Variants in ZNF236 observed in about 807,000 individuals in gnomAD.
The protein encoded by ZNF236 is zinc finger protein 236.
In ZNF236, 50 loss-of-function variants were observed where a neutral mutation model predicts 191.2. The observed-to-expected ratio is 0.26, with a 90% confidence interval of 0.21 to 0.33. The LOEUF (loss-of-function observed/expected upper bound fraction) is 0.33, where lower values mean the gene tolerates loss of function less well. ZNF236 is among the 10% of genes least tolerant of loss of function. ZNF236 has a pLI of 1.00. For missense variants in ZNF236, 1,754 were observed against 2,374.5 expected, an observed-to-expected ratio of 0.74 and a Z score of 5.43; for synonymous variants, 907 against 928.8, an observed-to-expected ratio of 0.98 and a Z score of 0.43.
intron 9 of ZNF236, chr18:76,888,828 C>T (rs1289747507): frequency 2.6e-5 from 4 of 152,314 alleles, no homozygotes; most frequent in Admixed American, 6.5e-5. Flanking sequence ...CCCTGTCTGT[C>T]TCCCCTACCC....
At chr18:76,907,542 T>C (rs1248160943) in intron 13 of ZNF236, among the ~76,000 whole-genome samples, 5 of 152,196 alleles carry the variant, frequency 3.3e-5, no homozygotes, top group Non-Finnish European at 7.3e-5. Context: ...TTGGCCAGGC[T>C]GGCCTTGAAC....
chr18:76,834,121 A>G (rs1198313033), intron 1 of ZNF236, among the ~76,000 whole-genome samples: 1 of 152,174 alleles, frequency 6.6e-6, no homozygotes, highest in Non-Finnish European at 1.5e-5. Flanking sequence ...TTTAAAATTT[A>G]TTAACAGAAC....
intron 1 of ZNF236, among the ~76,000 whole-genome samples, chr18:76,847,151 A>G (rs1975714561): frequency 6.6e-6 from 1 of 151,988 alleles, no homozygotes; most frequent in Non-Finnish European, 1.5e-5. Context: ...TTTATCTATC[A>G]ATTTCAGTTA....
At chr18:76,833,629 C>T (rs1266444296) in intron 1 of ZNF236, among the ~76,000 whole-genome samples, 1 of 152,040 alleles carries the variant, frequency 6.6e-6, no homozygotes, top group African/African-American at 2.4e-5. Context: ...GTTTATGAGC[C>T]ACATTGGACT....
rs191588510 is a variant in ZNF236, at chr18:76,831,163, C to T, written c.55+8501C>T. Among the ~76,000 whole-genome samples the T allele has an allele frequency of 2.8e-3, 426 of 152,262 alleles. 6 individuals are homozygous for T. Among genetic ancestry groups the T allele is most frequent in the African/African-American group, 9.9e-3 (410 of 41,542 alleles). On this transcript the variant is annotated intron_variant, in intron 1 of 30. Transcript: ENST00000320610. ...TGGGTTTGGACAAATGCATATTTGC[C>T]GTATAGTGTCATACAGAATAGTTTC...
At chr18:76,822,921 G>A (rs1196251570) in intron 1 of ZNF236, among the ~76,000 whole-genome samples, 1 of 148,228 alleles carries the variant, frequency 6.7e-6, no homozygotes, top group African/African-American at 2.4e-5. Context: ...CGGGAGGCGG[G>A]AGGCGGGTGA....
In ZNF236 at chr18:76,908,409, C is replaced by T. The variant is rs373395796; in HGVS notation, c.2387C>T (p.Thr796Ile). The T allele has an allele frequency of 1.9e-6, 3 of 1,614,230 alleles. No homozygotes were observed. The highest frequency in any genetic ancestry group is 2.5e-6 in the Non-Finnish European group (3 of 1,180,046). Residue 796 changes from threonine (T) to isoleucine (I), a missense_variant, in exon 14 of 31, where the codon ACT becomes ATT. By Grantham distance (89) the Thr-to-Ile change is moderately conservative. This residue lies in a region of ZNF236 where 641 missense variants were observed against 869.6 expected (regional missense o/e 0.74). Transcript: ENST00000320610. ...GACCAGCAGAGCATGCAGGCCTCCA[C>T]TCAAATGCAGGTGGAGATCGAGAGC... The part of the protein sequence containing the change: ...TVDQQSMQAS[T>I]QMQVEIESDE...
intron 11 of ZNF236, 132 bp downstream of exon 11, chr18:76,899,354 T>G (rs963533750): frequency 5.7e-5 from 45 of 783,490 alleles, no homozygotes; most frequent in Non-Finnish European, 8.4e-5. Context: ...GAAGTCTGTG[T>G]TAAGCCTTGT....
At chr18:76,893,660 A>ACC (rs1265531117) in intron 9 of ZNF236, among the ~76,000 whole-genome samples, 4 of 152,144 alleles carry the variant, frequency 2.6e-5, no homozygotes, top group Non-Finnish European at 4.4e-5. Flanking sequence ...GGCATGCACC[A>ACC]CCGCACCTGG....
chr18:76,943,502 A>G (rs1406611449), intron 26 of ZNF236, among the ~76,000 whole-genome samples: 1 of 152,228 alleles, frequency 6.6e-6, no homozygotes, highest in Admixed American at 6.5e-5. Flanking sequence ...CAATTTACTT[A>G]TTCATGAAGG....
At chr18:76,826,753 T>A (rs1975030098) in intron 1 of ZNF236, among the ~76,000 whole-genome samples, 1 of 144,154 alleles carries the variant, frequency 6.9e-6, no homozygotes, top group Non-Finnish European at 1.5e-5. Context: ...TGAGCTGAGG[T>A]CGCGCCACTG....
chr18:76,958,038 G>A (rs1001093956), intron 28 of ZNF236, among the ~76,000 whole-genome samples: 4 of 152,152 alleles, frequency 2.6e-5, no homozygotes, highest in African/African-American at 4.8e-5. Flanking sequence ...CTGCATTAGC[G>A]TCCTCTGGTG....
rs530931580 is a variant in ZNF236 at position 76,943,122 on chromosome 18, CAAAAAAAA to C, written c.4783-4386_4783-4379del. The stretch of plus-strand genomic sequence containing the variant: ...TGGGCGACAGAGTGAGACTCCGTCT[CAAAAAAAA>C]AAAAAAAAAAAAGAAGAGCAAATTT... On this transcript the variant is annotated intron_variant, in intron 26 of 30. Coordinates refer to ENST00000320610, the MANE Select transcript of ZNF236 (RefSeq NM_001306089.2). Among the ~76,000 whole-genome samples, 460 of 85,856 alleles carry C rather than the reference CAAAAAAAA, an allele frequency of 5.4e-3. 6 individuals carry two copies. The highest frequency in any genetic ancestry group is 0.022 in the African/African-American group (442 of 20,442). The allele number at this position is 85,856 out of a possible 152,430, so 56.3% of individuals were successfully genotyped here. A position where few individuals can be genotyped will look rare whatever the true frequency, so the allele number is the denominator to read the frequency against.
intron 1 of ZNF236, chr18:76,824,102 C>A: frequency 1.8e-6 from 1 of 553,516 alleles, no homozygotes; most frequent in South Asian, 2.3e-5. Flanking sequence ...GATGAGTAAA[C>A]TGAGGCTCAT....
intron 9 of ZNF236, among the ~76,000 whole-genome samples, chr18:76,894,595 C>A (rs565658032): frequency 6.6e-6 from 1 of 152,204 alleles, no homozygotes; most frequent in East Asian, 1.9e-4. Context: ...TTTACTGTTT[C>A]TTAATTATTT....
intron 1 of ZNF236, among the ~76,000 whole-genome samples, chr18:76,824,729 G>T (rs1974968687): frequency 6.6e-6 from 1 of 152,104 alleles, no homozygotes; most frequent in Admixed American, 6.5e-5. Flanking sequence ...CAGGCCTCAA[G>T]AATTATTCTA....
At position 76,871,266 on chromosome 18, in the gene ZNF236, G is replaced by A. The variant is rs143766532; in HGVS notation, c.543-435G>A. Among the ~76,000 whole-genome samples, 421 of 152,332 alleles carry A rather than the reference G, an allele frequency of 2.8e-3. 1 individual carries two copies. The highest frequency in any genetic ancestry group is 0.017 in the Middle Eastern group (5 of 294). Reference sequence around the variant, plus strand: ...AGTGAGAGTTGGCTGTCCAGGGCTGGAGCCAGAGGAGGAGGCAGAGTTGCT... The same window carrying A: ...AGTGAGAGTTGGCTGTCCAGGGCTGAAGCCAGAGGAGGAGGCAGAGTTGCT... On this transcript the variant is annotated intron_variant, in intron 4 of 30. Transcript: ENST00000320610.
intron 27 of ZNF236, among the ~76,000 whole-genome samples, chr18:76,954,545 C>T (rs545935830): frequency 6.6e-6 from 1 of 152,334 alleles, no homozygotes; most frequent in Admixed American, 6.5e-5. Context: ...GTGACCTCAA[C>T]AGGCATGTGT....
Position 76,947,596 on chromosome 18 carries a change from C to T in ZNF236, c.4858C>T (p.Leu1620=). 6.2e-7 allele frequency: 1 copy of T among 1,614,102 alleles called. No individual in the cohort carries two copies. The highest frequency in any genetic ancestry group is 8.5e-7 in the Non-Finnish European group (1 of 1,180,002). The change falls in exon 27 of 31, where the codon CTA becomes TTA. Residue 1620 remains leucine (L), a synonymous_variant. Coordinates refer to ENST00000320610, the MANE Select transcript of ZNF236 (RefSeq NM_001306089.2). ...QGGAGSPQVI[L]VSHTPQSASA... ...TGGAGCAGGCTCGCCGCAAGTCATA[C>T]TAGTGAGCCACACGCCACAGTCAGC... is the stretch of plus-strand genomic sequence containing the variant.
Sources: gnomAD v4.1 joint callset for allele counts (sites outside exome capture counted in the v4.1 genomes callset) on GRCh38, gnomAD v4.1.1 for gene constraint, gnomAD v4.1.1 regional missense constraint, MANE v1.5 for transcripts, NCBI Gene and HGNC (gene_info 2026-07-23, HGNC 2026-07-21) for gene names.